Variants in MACF1 observed in about 807,000 individuals in gnomAD.
The protein encoded by MACF1 is microtubule-actin cross-linking factor 1.
Under a neutral mutation model 854.8 loss-of-function variants are expected in MACF1, and 193 were observed. The observed-to-expected ratio is 0.23, with a 90% CI of 0.20 to 0.25. MACF1 has a LOEUF of 0.25. Among genes scored for constraint, MACF1 ranks in the 10% least tolerant of loss-of-function variants. The pLI, the probability that MACF1 is intolerant of heterozygous loss-of-function variation, is 1.00. For missense variants in MACF1, 7,722 were observed against 8,929.1 expected (o/e 0.86, Z 5.45); for synonymous variants, 3,185 against 3,226.7 (o/e 0.99, Z 0.44).
At chr1:39,459,933 G>C in intron 91 of MACF1, 1 of 912,768 alleles carries the variant, frequency 1.1e-6, no homozygotes, top group Non-Finnish European at 1.6e-6. Flanking sequence ...TAACTTTGGA[G>C]TTTGAAAGAC....
intron 26 of MACF1, among the ~76,000 whole-genome samples, chr1:39,314,256 A>G (rs952240921): frequency 6.6e-6 from 1 of 152,082 alleles, no homozygotes; most frequent in Non-Finnish European, 1.5e-5. Flanking sequence ...TAATAATACA[A>G]AAATTAGCCA....
At chr1:39,199,865 C>G (rs1571165121), upstream of MACF1, among the ~76,000 whole-genome samples, 1 of 152,198 alleles carries the variant, frequency 6.6e-6, no homozygotes, top group African/African-American at 2.4e-5. Context: ...AGCTTAGTCT[C>G]CACTGGACTA....
At chr1:39,121,287 A>G (rs1642703191) in intron 2 of MACF1, among the ~76,000 whole-genome samples, 1 of 152,178 alleles carries the variant, frequency 6.6e-6, no homozygotes, top group African/African-American at 2.4e-5. Context: ...AGTTTAAATA[A>G]AACGATGCTT....
intron 40 of MACF1, among the ~76,000 whole-genome samples, chr1:39,343,690 G>T (rs989021265): frequency 7.2e-5 from 11 of 152,256 alleles, no homozygotes; most frequent in Admixed American, 6.5e-4. Context: ...TTGTCTTATT[G>T]TTAGCAGTGG....
At chr1:39,269,025 G>C in intron 6 of MACF1, 1 of 1,289,134 alleles carries the variant, frequency 7.8e-7, no homozygotes, top group Non-Finnish European at 1.0e-6. Flanking sequence ...ACAGGTAAAG[G>C]AGAGATTCCA....
chr1:39,377,162 T>C (rs2148549173), intron 52 of MACF1, among the ~76,000 whole-genome samples: 1 of 152,156 alleles, frequency 6.6e-6, no homozygotes, highest in South Asian at 2.1e-4. Flanking sequence ...AGGCGTCCGC[T>C]GCCACACCCA....
intron 68 of MACF1, among the ~76,000 whole-genome samples, chr1:39,434,055 A>G (rs1570062019): frequency 6.6e-6 from 1 of 152,240 alleles, no homozygotes; most frequent in South Asian, 2.1e-4. Context: ...ACTCCAGCCT[A>G]GGTGACAGAG....
chr1:39,250,177 A>G, intron 3 of MACF1, 74 bp downstream of exon 3: 1 of 979,044 alleles, frequency 1.0e-6, no homozygotes. Context: ...CATTGAGTGC[A>G]AGGGCAGCAG....
intron 82 of MACF1, 27 bp from the exon 83 acceptor site, chr1:39,448,006 G>C (rs779371816): frequency 1.2e-6 from 2 of 1,613,546 alleles, no homozygotes; most frequent in South Asian, 1.1e-5. Context: ...ATTCATTCCT[G>C]TTAACTTATT....
In MACF1 at chr1:39,388,328, C is replaced by A; in HGVS notation, c.15486C>A (p.Val5162=). ...TDSLQSQIED[V]RLFLNKIHVL... is the part of the protein sequence containing the mutation. The stretch of plus-strand genomic sequence containing the variant: ...GCCTCCAGTCCCAAATCGAGGATGT[C>A]CGGCTATTCCTTAACAAAATTCACG... Residue 5162 remains valine, a synonymous_variant, in exon 58 of 101, where the codon GTC becomes GTA. Coordinates refer to ENST00000564288, the MANE Select transcript of MACF1 (RefSeq NM_001394062.1). 6.2e-7 allele frequency: 1 copy of A among 1,614,144 alleles called. No homozygotes were observed. Among genetic ancestry groups the A allele is most frequent in the Non-Finnish European group, 8.5e-7 (1 of 1,180,038 alleles).
chr1:39,177,670 A>G (rs1206455329), intron 2 of MACF1, among the ~76,000 whole-genome samples: 1 of 151,844 alleles, frequency 6.6e-6, no homozygotes, highest in African/African-American at 2.4e-5. Flanking sequence ...TCTGATTGGC[A>G]TTGATAATAT....
intron 6 of MACF1, chr1:39,268,807 G>A: frequency 7.8e-7 from 1 of 1,289,750 alleles, no homozygotes; most frequent in Non-Finnish European, 1.0e-6. Context: ...AGGTGGAGAG[G>A]GAAGAAAATC....
intron 2 of MACF1, among the ~76,000 whole-genome samples, chr1:39,186,686 C>A (rs150066896): frequency 6.6e-6 from 1 of 152,202 alleles, no homozygotes; most frequent in Non-Finnish European, 1.5e-5. Flanking sequence ...TGGCTCACTG[C>A]ACCCTTGAAC....
At chr1:39,222,506 C>G (rs937922060) in intron 1 of MACF1, among the ~76,000 whole-genome samples, 8 of 152,168 alleles carry the variant, frequency 5.3e-5, no homozygotes, top group Non-Finnish European at 1.0e-4. Context: ...AGGTTTAGTT[C>G]AGACACCGTT....
chr1:39,401,183 G>A (rs1047177533), intron 58 of MACF1, among the ~76,000 whole-genome samples: 1 of 152,056 alleles, frequency 6.6e-6, no homozygotes, highest in Non-Finnish European at 1.5e-5. Context: ...AGGTTTTTCT[G>A]AGACCATTTT....
At chr1:39,232,746 G>GTTTTTTTTTTTT (rs10712180) in intron 2 of MACF1, among the ~76,000 whole-genome samples, 9 of 128,490 alleles carry the variant, frequency 7.0e-5, no homozygotes, top group African/African-American at 8.7e-5. Context: ...TACTCTCTTT[G>GTTTTTTTTTTTT]TTTTTTTTTT....
intron 2 of MACF1, among the ~76,000 whole-genome samples, chr1:39,125,745 A>C (rs957796219): frequency 6.6e-6 from 1 of 152,212 alleles, no homozygotes; most frequent in Non-Finnish European, 1.5e-5. Context: ...TAATCCCAGC[A>C]CTTTGGGAGG....
intron 2 of MACF1, among the ~76,000 whole-genome samples, chr1:39,096,703 A>G (rs1047396607): frequency 2.6e-5 from 4 of 151,970 alleles, no homozygotes; most frequent in African/African-American, 9.7e-5. Context: ...CAGTGGCACA[A>G]TTGTAGCTCA....
chr1:39,296,612 C>T (rs915993084), intron 20 of MACF1, among the ~76,000 whole-genome samples: 15 of 151,628 alleles, frequency 9.9e-5, no homozygotes, highest in Non-Finnish European at 1.9e-4. Context: ...CACCTGTAGT[C>T]CCAGCTACTT....
Sources: gnomAD v4.1 joint callset for allele counts (sites outside exome capture counted in the v4.1 genomes callset) on GRCh38, gnomAD v4.1.1 for gene constraint, MANE v1.5 for transcripts, NCBI Gene and HGNC (gene_info 2026-07-23, HGNC 2026-07-21) for gene names.